SPATA17: variants seen among roughly 807,000 people sequenced by gnomAD.
The protein encoded by SPATA17 is spermatogenesis-associated protein 17.
Under a neutral mutation model 62.2 loss-of-function variants are expected in SPATA17, and 53 were observed. That is an observed-to-expected ratio of 0.85 (90% CI 0.68 to 1.07). The LOEUF (loss-of-function observed/expected upper bound fraction) is 1.07, where lower values mean the gene tolerates loss of function less well. SPATA17 is among the 50% of genes least tolerant of loss of function. The probability of loss-of-function intolerance (pLI) is 0.00; values close to 1 mark genes in which losing one functional copy is unlikely to be tolerated. For missense variants in SPATA17, 466 were observed against 425.5 expected (o/e 1.10, Z -0.84); for synonymous variants, 146 against 146.8 (o/e 0.99, Z 0.04).
intron 9 of SPATA17, among the ~76,000 whole-genome samples, chr1:217,830,082 A>C (rs1675098079): frequency 6.6e-6 from 1 of 152,158 alleles, no homozygotes; most frequent in Non-Finnish European, 1.5e-5. Context: ...ATTGATATTT[A>C]AATCTATAAA....
At chr1:217,658,497 A>G (rs1670489586) in intron 3 of SPATA17, among the ~76,000 whole-genome samples, 1 of 152,062 alleles carries the variant, frequency 6.6e-6, no homozygotes, top group South Asian at 2.1e-4. Flanking sequence ...GGAGGCTCAC[A>G]CCTGTAATCC....
chr1:217,687,525 A>G (rs1671242907), intron 5 of SPATA17, among the ~76,000 whole-genome samples: 1 of 152,168 alleles, frequency 6.6e-6, no homozygotes, highest in Admixed American at 6.5e-5. Flanking sequence ...CTTTTACTGT[A>G]CCTTTTTATG....
chr1:217,835,247 T>C (rs1270357165), intron 9 of SPATA17, among the ~76,000 whole-genome samples: 1 of 152,176 alleles, frequency 6.6e-6, no homozygotes. Flanking sequence ...CTTAAGTCAT[T>C]GCATTTATGT....
rs571718593 is a variant in SPATA17, at chr1:217,762,745, G to T, written c.520-11589G>T. Among the ~76,000 whole-genome samples, 7 of 152,318 alleles carry T rather than the reference G, an allele frequency of 4.6e-5. No individual in the cohort carries two copies. In the East Asian group the frequency reaches 1.4e-3, roughly 29 times the overall value. The stretch of plus-strand genomic sequence containing the variant: ...CCAACACTTTGGGACGCCGAGGCAG[G>T]CAGATCACCTGAGGTCAGGAGTTTG... On this transcript the variant is annotated intron_variant, in intron 6 of 10. Coordinates refer to ENST00000366933, the MANE Select transcript of SPATA17 (RefSeq NM_138796.4).
At chr1:217,666,799 G>A (rs967340579) in intron 3 of SPATA17, among the ~76,000 whole-genome samples, 1 of 151,932 alleles carries the variant, frequency 6.6e-6, no homozygotes, top group Non-Finnish European at 1.5e-5. Flanking sequence ...TCATGTAAGT[G>A]GAATAATAAA....
chr1:217,711,430 T>C (rs1248196896), intron 5 of SPATA17, among the ~76,000 whole-genome samples: 1 of 152,182 alleles, frequency 6.6e-6, no homozygotes, highest in East Asian at 1.9e-4. Flanking sequence ...AGATAAAAAA[T>C]ATAAGACATA....
chr1:217,690,131 G>A (rs936471095), intron 5 of SPATA17, among the ~76,000 whole-genome samples: 1 of 152,050 alleles, frequency 6.6e-6, no homozygotes, highest in Non-Finnish European at 1.5e-5. Context: ...TCAAACTCCT[G>A]ACCTCGGGTT....
chr1:217,642,748 GCTT>G (rs1434275066), intron 1 of SPATA17, among the ~76,000 whole-genome samples: 3 of 152,158 alleles, frequency 2.0e-5, no homozygotes, highest in African/African-American at 4.8e-5. Flanking sequence ...AGACATGTGT[GCTT>G]CTTCTTCCAC....
chr1:217,716,842 G>A (rs549429965), intron 5 of SPATA17, among the ~76,000 whole-genome samples: 1 of 152,204 alleles, frequency 6.6e-6, no homozygotes, highest in Non-Finnish European at 1.5e-5. Context: ...CATTTATTTA[G>A]CACCTATCGT....
At chr1:217,778,239 G>T (rs892142256) in intron 7 of SPATA17, among the ~76,000 whole-genome samples, 1 of 152,056 alleles carries the variant, frequency 6.6e-6, no homozygotes, top group African/African-American at 2.4e-5. Context: ...TGGTGGGCGC[G>T]GTGGCTCACA....
At chr1:217,714,139 G>A (rs545061331) in intron 5 of SPATA17, among the ~76,000 whole-genome samples, 98 of 152,076 alleles carry the variant, frequency 6.4e-4, no homozygotes, top group Non-Finnish European at 1.1e-3. Flanking sequence ...TATAATCCCA[G>A]CACTTTGGGA....
intron 1 of SPATA17, among the ~76,000 whole-genome samples, chr1:217,634,629 C>A (rs1669896667): frequency 6.6e-6 from 1 of 152,180 alleles, no homozygotes; most frequent in Non-Finnish European, 1.5e-5. Flanking sequence ...ACCATAATTT[C>A]TAATCTTTTA....
At chr1:217,772,745 C>G (rs961547324) in intron 6 of SPATA17, among the ~76,000 whole-genome samples, 1 of 152,206 alleles carries the variant, frequency 6.6e-6, no homozygotes, top group Non-Finnish European at 1.5e-5. Flanking sequence ...GCCATGTACC[C>G]TGCTAGGCCC....
chr1:217,860,874 T>G (rs1390585199), intron 9 of SPATA17, among the ~76,000 whole-genome samples: 1 of 152,144 alleles, frequency 6.6e-6, no homozygotes. Flanking sequence ...ATTTGTAACT[T>G]GGTCTTCATT....
At chr1:217,848,674 T>G (rs1331650093) in intron 9 of SPATA17, among the ~76,000 whole-genome samples, 2 of 152,294 alleles carry the variant, frequency 1.3e-5, no homozygotes, top group East Asian at 1.9e-4. Flanking sequence ...GATGTGTAAT[T>G]GTATGTTAAA....
intron 9 of SPATA17, among the ~76,000 whole-genome samples, chr1:217,812,717 G>A (rs1674621303): frequency 6.6e-6 from 1 of 152,118 alleles, no homozygotes; most frequent in African/African-American, 2.4e-5. Context: ...ATCTAAAAGA[G>A]TTGGACAATA....
chr1:217,651,154 A>C lies in SPATA17; in HGVS notation c.216A>C (p.Arg72Ser). The stretch of plus-strand genomic sequence containing the variant: ...AATGGTGGAGAAGTTTCTTAGGCAG[A>C]AAGCAATATCAACTAACTGTGCAGG... ...IQKWWRSFLG[R>S]KQYQLTVQVA... Residue 72 changes from arginine (R) to serine (S), a missense_variant, in exon 3 of 11, where the codon AGA (arginine) becomes AGC (serine). Physicochemically the swap from Arg to Ser is moderately radical, Grantham distance 110. Coordinates refer to ENST00000366933, the MANE Select transcript of SPATA17 (RefSeq NM_138796.4). 1 of 1,610,104 alleles carries C rather than the reference A, an allele frequency of 6.2e-7. No homozygotes were observed. Among genetic ancestry groups the C allele is most frequent in the Non-Finnish European group, 8.5e-7 (1 of 1,178,622 alleles).
Position 217,869,046 on chromosome 1 carries a change from T to G in SPATA17, c.*2027T>G, listed in dbSNP as rs1676077662. On this transcript the variant is annotated 3_prime_UTR_variant, in exon 11 of 11. Transcript: ENST00000366933. ...AAGGTTAAGGACATGCCCTTGACAC[T>G]GCACCTGTCAGTACAGGTCCTGACA... The G allele has an allele frequency of 6.6e-6, 1 of 152,260 alleles. No homozygotes were observed. The highest frequency in any genetic ancestry group is 2.1e-4 in the South Asian group (1 of 4,834). The allele number at this position is 152,260 out of a possible 1,614,324, so 9.4% of individuals were successfully genotyped here.
chr1:217,705,430 CTTTTTTTTTTTTTTTTT>C (rs58138326), intron 5 of SPATA17, among the ~76,000 whole-genome samples: 3 of 46,606 alleles, frequency 6.4e-5, no homozygotes, highest in African/African-American at 1.7e-4. Flanking sequence ...TTCTAGTTGT[CTTTTTTTTTTTTTTTTT>C]TTTTTTTTTT....
Sources: gnomAD v4.1 joint callset for allele counts (sites outside exome capture counted in the v4.1 genomes callset) on GRCh38, gnomAD v4.1.1 for gene constraint, MANE v1.5 for transcripts, NCBI Gene and HGNC (gene_info 2026-07-23, HGNC 2026-07-21) for gene names.